The following ATP8A2 variants were observed in gnomAD, a reference collection of about 807,000 sequenced individuals.
ATP8A2 encodes the protein phospholipid-transporting ATPase IB.
A neutral mutation model predicts 165.6 loss-of-function variants in ATP8A2; 100 were observed. That is an observed-to-expected ratio of 0.60 (90% CI 0.51 to 0.71). The LOEUF is 0.71. Ranked by LOEUF, ATP8A2 falls within the 30% of genes least tolerant of loss-of-function variation. The pLI, the probability that ATP8A2 is intolerant of heterozygous loss-of-function variation, is 0.00. For synonymous variants in ATP8A2, 543 were observed against 548.8 expected, an observed-to-expected ratio of 0.99 and a Z score of 0.15; for missense variants, 1,227 against 1,479.5, an observed-to-expected ratio of 0.83 and a Z score of 2.80.
intron 1 of ATP8A2, among the ~76,000 whole-genome samples, chr13:25,373,222 A>G (rs1328553703): frequency 6.6e-6 from 1 of 152,046 alleles, no homozygotes; most frequent in Non-Finnish European, 1.5e-5. Context: ...GAGGGTGTAC[A>G]GTTTGGAGCT....
intron 24 of ATP8A2, among the ~76,000 whole-genome samples, chr13:25,622,904 ATTAG>A (rs1320279541): frequency 6.6e-6 from 1 of 152,232 alleles, no homozygotes; most frequent in Non-Finnish European, 1.5e-5. Flanking sequence ...GTGCTGTCAT[ATTAG>A]TTAAAGTGAA....
intron 1 of ATP8A2, among the ~76,000 whole-genome samples, chr13:25,465,755 C>CTCTCTCTGTCTCTT (rs746455176): frequency 8.5e-5 from 1 of 11,834 alleles, no homozygotes. Flanking sequence ...CTCCCTCTCT[C>CTCTCTCTGTCTCTT]TCTCTCTTTC....
chr13:25,394,243 A>G (rs774649723), intron 1 of ATP8A2, among the ~76,000 whole-genome samples: 4 of 152,178 alleles, frequency 2.6e-5, no homozygotes, highest in Non-Finnish European at 5.9e-5. Flanking sequence ...TGTTCTGGCC[A>G]TTGGTAGGCT....
chr13:25,630,236 A>G (rs536134891), intron 24 of ATP8A2, among the ~76,000 whole-genome samples: 1 of 152,258 alleles, frequency 6.6e-6, no homozygotes, highest in South Asian at 2.1e-4. Flanking sequence ...CCTTGAAGTG[A>G]TTCTAGTTTT....
At chr13:25,697,041 T>TGAGCC (rs1374719829) in intron 24 of ATP8A2, among the ~76,000 whole-genome samples, 1 of 152,214 alleles carries the variant, frequency 6.6e-6, no homozygotes, top group Non-Finnish European at 1.5e-5. Context: ...AGGCACGAAG[T>TGAGCC]GAGCCGGTGC....
chr13:25,598,295 C>T (rs2040290955), intron 24 of ATP8A2, among the ~76,000 whole-genome samples: 1 of 152,060 alleles, frequency 6.6e-6, no homozygotes, highest in African/African-American at 2.4e-5. Context: ...TGAGATCCTC[C>T]AACTTTATTT....
intron 24 of ATP8A2, among the ~76,000 whole-genome samples, chr13:25,676,198 G>A (rs1399711822): frequency 6.6e-6 from 1 of 152,240 alleles, no homozygotes; most frequent in East Asian, 1.9e-4. Context: ...TTTCAAATTA[G>A]AGAATATGTT....
chr13:25,645,322 A>G (rs1342754604), intron 24 of ATP8A2, among the ~76,000 whole-genome samples: 2 of 152,180 alleles, frequency 1.3e-5, no homozygotes, highest in African/African-American at 2.4e-5. Flanking sequence ...CCTGTGATTC[A>G]ATTACCTCCC....
At chr13:25,894,250 A>G (rs1456013496) in intron 33 of ATP8A2, among the ~76,000 whole-genome samples, 2 of 152,178 alleles carry the variant, frequency 1.3e-5, no homozygotes, top group Non-Finnish European at 2.9e-5. Flanking sequence ...CTTTCTACAT[A>G]TGGCTAGCCA....
chr13:25,762,728 G>A (rs2044408674), intron 25 of ATP8A2, among the ~76,000 whole-genome samples: 1 of 152,102 alleles, frequency 6.6e-6, no homozygotes, highest in African/African-American at 2.4e-5. Flanking sequence ...AGAAGGGTGA[G>A]GAAAGGGAGG....
chr13:25,648,067 C>A (rs2041720938), intron 24 of ATP8A2, among the ~76,000 whole-genome samples: 1 of 152,110 alleles, frequency 6.6e-6, no homozygotes, highest in South Asian at 2.1e-4. Flanking sequence ...TAGGCCAGGT[C>A]TCTTGATGAT....
chr13:25,648,871 C>T, intron 24 of ATP8A2: 2 of 367,280 alleles, frequency 5.4e-6, no homozygotes, highest in Non-Finnish European at 1.1e-5. Context: ...TATTCTTGAT[C>T]TGCTGTTGGT....
chr13:25,713,986 C>T (rs899135899), intron 25 of ATP8A2, among the ~76,000 whole-genome samples: 1 of 152,074 alleles, frequency 6.6e-6, no homozygotes, highest in African/African-American at 2.4e-5. Flanking sequence ...ATCTTAGGTA[C>T]GTTGAATTCT....
intron 35 of ATP8A2, among the ~76,000 whole-genome samples, chr13:26,008,565 A>T (rs1198324337): frequency 6.6e-6 from 1 of 152,204 alleles, no homozygotes; most frequent in African/African-American, 2.4e-5. Context: ...GTAAGTGAAG[A>T]TCCACAAACA....
rs1299615258 is a variant in ATP8A2, at chr13:26,011,566, A to G, written c.3378-965A>G. Among the ~76,000 whole-genome samples, 6 of 152,288 alleles carry G rather than the reference A, an allele frequency of 3.9e-5. No homozygotes were observed. The East Asian group carries it at 1.2e-3, about 29-fold the overall frequency. ...GGCAAACTCCTGTAATGACAAGCGA[A>G]ATGAGAGCCTGATAGTAAAAATCAA... is the stretch of plus-strand genomic sequence containing the variant. On this transcript the variant is annotated intron_variant, in intron 35 of 36. Coordinates refer to ENST00000381655, the MANE Select transcript of ATP8A2 (RefSeq NM_016529.6).
At chr13:25,682,067 T>G (rs1246349936) in intron 24 of ATP8A2, among the ~76,000 whole-genome samples, 3 of 152,190 alleles carry the variant, frequency 2.0e-5, no homozygotes, top group African/African-American at 7.2e-5. Flanking sequence ...TATCCATTTC[T>G]GTGCATAACT....
chr13:25,735,389 A>G (rs1373829488), intron 25 of ATP8A2, among the ~76,000 whole-genome samples: 1 of 152,040 alleles, frequency 6.6e-6, no homozygotes, highest in Non-Finnish European at 1.5e-5. Context: ...CCTCTCAATT[A>G]GCTGGGACCA....
chr13:25,718,351 G>C (rs1467616044), intron 25 of ATP8A2, among the ~76,000 whole-genome samples: 1 of 152,086 alleles, frequency 6.6e-6, no homozygotes, highest in South Asian at 2.1e-4. Context: ...AAATTTAAAT[G>C]ACATATAAAT....
intron 8 of ATP8A2, among the ~76,000 whole-genome samples, chr13:25,541,568 G>C (rs1310145545): frequency 6.6e-6 from 1 of 152,086 alleles, no homozygotes; most frequent in African/African-American, 2.4e-5. Context: ...ATATTGGAGG[G>C]CTACTCTATT....
Sources: gnomAD v4.1 joint callset for allele counts (sites outside exome capture counted in the v4.1 genomes callset) on GRCh38, gnomAD v4.1.1 for gene constraint, MANE v1.5 for transcripts, NCBI Gene and HGNC (gene_info 2026-07-23, HGNC 2026-07-21) for gene names.